The following CLDN14 variants were observed in gnomAD, a reference collection of about 807,000 sequenced individuals.
CLDN14 encodes claudin 14, also known as claudin-14.
In CLDN14, 2 loss-of-function variants were observed where a neutral mutation model predicts 2.1. That is an observed-to-expected ratio of 0.96 (90% CI 0.39 to 3.01). The LOEUF (loss-of-function observed/expected upper bound fraction) is 3.01. CLDN14 is among the 30% of genes most tolerant of loss of function. The probability of loss-of-function intolerance (pLI) is 0.09; values close to 1 mark genes in which losing one functional copy is unlikely to be tolerated. For synonymous variants in CLDN14, 136 were observed against 154.4 expected (o/e 0.88, Z 0.88); for missense variants, 298 against 328.0 (o/e 0.91, Z 0.71).
intron 2 of CLDN14, among the ~76,000 whole-genome samples, chr21:36,496,364 G>A (rs2087017476): frequency 6.6e-6 from 1 of 150,506 alleles, no homozygotes; most frequent in Non-Finnish European, 1.5e-5. Flanking sequence ...TTGAGCCCAG[G>A]AGGCTGAGGC....
In CLDN14 at chr21:36,461,135, G is replaced by C. The variant is rs771486433; in HGVS notation, c.561C>G (p.Asp187Glu). Residue 187 changes from aspartate to glutamate, a missense_variant, in exon 2 of 2, where the codon GAC becomes GAG. Physicochemically the swap from Asp to Glu is conservative, Grantham distance 45. Transcript: ENST00000399135. ...CCTGGTAGGGCCTGTAGGGTGCCTC[G>C]TCCTGGCAGGACAGGCAAAGCAGGG... is the stretch of plus-strand genomic sequence containing the variant. Reference protein sequence around the residue: ...GGTLLCLSCQDEAPYRPYQAP... With the variant: ...GGTLLCLSCQEEAPYRPYQAP... 6.8e-6 allele frequency: 11 copies of C among 1,613,970 alleles called. No homozygotes were observed. In the Admixed American group the frequency reaches 8.3e-5, roughly 12 times the overall value.
At chr21:36,492,041 C>G (rs1034459790) in intron 2 of CLDN14, among the ~76,000 whole-genome samples, 1 of 152,258 alleles carries the variant, frequency 6.6e-6, no homozygotes, top group Non-Finnish European at 1.5e-5. Context: ...CGGTGGCTCA[C>G]GCCTGTAATC....
At chr21:36,486,571 G>A (rs751696060) in intron 2 of CLDN14, 1 of 1,554,500 alleles carries the variant, frequency 6.4e-7, no homozygotes, top group South Asian at 1.1e-5. Context: ...CAGCCAAGCT[G>A]GGCCCAGGAG....
intron 1 of CLDN14, among the ~76,000 whole-genome samples, chr21:36,573,048 TCC>T (rs919046907): frequency 3.3e-5 from 5 of 152,210 alleles, no homozygotes; most frequent in Non-Finnish European, 5.9e-5. Context: ...ACGCCTGTAA[TCC>T]CAGCACTTTG....
chr21:36,548,884 A>G (rs1232027229), intron 1 of CLDN14, among the ~76,000 whole-genome samples: 3 of 152,226 alleles, frequency 2.0e-5, no homozygotes, highest in Non-Finnish European at 2.9e-5. Flanking sequence ...CCCTGACTGC[A>G]GTGACCCCAG....
intron 1 of CLDN14, among the ~76,000 whole-genome samples, chr21:36,523,774 A>G (rs2087294519): frequency 3.1e-5 from 1 of 32,094 alleles, no homozygotes; most frequent in Non-Finnish European, 1.1e-4. Flanking sequence ...AAAGAAAGAG[A>G]GAAAGAGAGA....
intron 2 of CLDN14, among the ~76,000 whole-genome samples, chr21:36,495,099 T>C (rs939031075): frequency 2.0e-5 from 3 of 152,084 alleles, no homozygotes; most frequent in African/African-American, 7.2e-5. Flanking sequence ...AGGCTGAGGC[T>C]GGTGGATCAC....
chr21:36,476,506 G>A (rs1390505862), intron 1 of CLDN14, among the ~76,000 whole-genome samples: 7 of 151,272 alleles, frequency 4.6e-5, no homozygotes, highest in East Asian at 1.9e-4. Context: ...AGGCCGGAGC[G>A]CGGTGGTGCG....
intron 1 of CLDN14, among the ~76,000 whole-genome samples, chr21:36,469,878 A>G (rs2086688454): frequency 6.6e-6 from 1 of 152,198 alleles, no homozygotes; most frequent in South Asian, 2.1e-4. Context: ...ACTTAAATAC[A>G]TGAGTGCCTT....
At position 36,472,139 on chromosome 21, in the gene CLDN14, T is replaced by C. The variant is rs369931133; in HGVS notation, c.-82+7356A>G. 1.3e-4 allele frequency among the ~76,000 whole-genome samples: 20 copies of C among 152,340 alleles called. No individual in the cohort carries two copies. The East Asian group carries it at 2.1e-3, about 16-fold the overall frequency. ...GAAACTGAAGTGTAGAAAGGTTACA[T>C]AACTTGTCCAAGGTTACGTCTGGGC... On this transcript the variant is annotated intron_variant, in intron 1 of 1. Coordinates refer to ENST00000399135, the MANE Select transcript of CLDN14 (RefSeq NM_001146079.2).
intron 2 of CLDN14, among the ~76,000 whole-genome samples, chr21:36,492,102 G>A (rs978528071): frequency 6.6e-6 from 1 of 151,986 alleles, no homozygotes; most frequent in Non-Finnish European, 1.5e-5. Flanking sequence ...TTGGTAGTTC[G>A]AGACCAGCCT....
intron 2 of CLDN14, among the ~76,000 whole-genome samples, chr21:36,489,316 G>A (rs2086937662): frequency 6.6e-6 from 1 of 151,744 alleles, no homozygotes. Flanking sequence ...GGAGTAAGGA[G>A]TTTTATTGGA....
In CLDN14 at chr21:36,461,427, AGCAGGCAGGAGATGACCATGAG is replaced by A; in HGVS notation, c.247_268del (p.Leu83SerfsTer4). On this transcript the variant is annotated frameshift_variant, in exon 2 of 2. Transcript: ENST00000399135. LOFTEE classifies it low-confidence loss of function (END_TRUNC). ...GGCGCAGGCGCAGGCTATGCCCGAG[AGCAGGCAGGAGATGACCATGAG>A]GGCGCGGGCAGCCTGGAGGTCTTGG... 6.2e-7 allele frequency: 1 copy of A among 1,613,238 alleles called. No individual in the cohort carries two copies. The highest frequency in any genetic ancestry group is 8.5e-7 in the Non-Finnish European group (1 of 1,179,982).
At chr21:36,567,951 A>G (rs2087684739) in intron 1 of CLDN14, among the ~76,000 whole-genome samples, 1 of 152,216 alleles carries the variant, frequency 6.6e-6, no homozygotes, top group South Asian at 2.1e-4. Context: ...ACAAATAAAG[A>G]TGTTTCCTTT....
In CLDN14 at chr21:36,460,925, C is replaced by A; in HGVS notation, c.*51G>T. 1.3e-6 allele frequency: 2 copies of A among 1,589,266 alleles called. No individual in the cohort carries two copies. Among genetic ancestry groups the A allele is most frequent in the Non-Finnish European group, 8.6e-7 (1 of 1,167,180 alleles). On this transcript the variant is annotated 3_prime_UTR_variant, in exon 2 of 2. Coordinates refer to ENST00000399135, the MANE Select transcript of CLDN14 (RefSeq NM_001146079.2). The surrounding 1 kb of genome is among the most constrained non-coding windows in gnomAD (Gnocchi z 4.0). Reference sequence around the variant, plus strand: ...GAACCCCTGCCTCCATTGACAGTCCCGCCGGGGACCCAGCCCACAGCAGCC... The same window carrying A: ...GAACCCCTGCCTCCATTGACAGTCCAGCCGGGGACCCAGCCCACAGCAGCC...
intron 1 of CLDN14, among the ~76,000 whole-genome samples, chr21:36,527,464 A>G (rs906920005): frequency 6.6e-6 from 1 of 152,222 alleles, no homozygotes; most frequent in Non-Finnish European, 1.5e-5. Flanking sequence ...AAACAGCTTC[A>G]GACTTTGTTG....
intron 1 of CLDN14, among the ~76,000 whole-genome samples, chr21:36,556,249 TGGCTTATATTA>T (rs2087598512): frequency 1.3e-5 from 2 of 152,346 alleles, no homozygotes; most frequent in South Asian, 4.1e-4. Context: ...CTAGTTAAAC[TGGCTTATATTA>T]GAGGTGGGAA....
upstream of CLDN14, among the ~76,000 whole-genome samples, chr21:36,481,757 TA>T (rs756032898): frequency 3.9e-5 from 6 of 152,224 alleles, no homozygotes; most frequent in Non-Finnish European, 8.8e-5. Context: ...TCCTCTTGGA[TA>T]AAACAGTGTT....
intron 2 of CLDN14, among the ~76,000 whole-genome samples, chr21:36,489,208 AAGAGAGAG>A (rs551064855): frequency 9.0e-6 from 1 of 111,236 alleles, no homozygotes; most frequent in African/African-American, 4.0e-5. Flanking sequence ...GAGAGAGAGA[AAGAGAGAG>A]AGAGAGAGAG....
Sources: allele counts gnomAD v4.1 joint callset (sites outside exome capture counted in the v4.1 genomes callset), GRCh38; gene constraint gnomAD v4.1.1; non-coding constraint Gnocchi (gnomAD v3.1); transcripts MANE v1.5; gene names NCBI Gene and HGNC (gene_info 2026-07-23, HGNC 2026-07-21).